Variants in MCM9 observed in about 807,000 individuals in gnomAD.
MCM9 encodes DNA helicase MCM9.
MCM9 carries 55 observed loss-of-function variants against 72.8 expected under a neutral mutation model. The ratio of observed to expected loss-of-function variants is 0.76; its 90% confidence interval spans 0.61 to 0.95. The LOEUF is 0.95. Among genes scored for constraint, MCM9 ranks in the 40% least tolerant of loss-of-function variants. The pLI, the probability that MCM9 is intolerant of heterozygous loss-of-function variation, is 0.00. For missense variants in MCM9, 1,279 were observed against 1,377.0 expected, an observed-to-expected ratio of 0.93 and a Z score of 1.13; for synonymous variants, 480 against 503.4, an observed-to-expected ratio of 0.95 and a Z score of 0.62.
At chr6:118,883,281 G>C (rs764795428) in intron 8 of MCM9, among the ~76,000 whole-genome samples, 1 of 152,042 alleles carries the variant, frequency 6.6e-6, no homozygotes, top group Non-Finnish European at 1.5e-5. Flanking sequence ...TTGAAATTAT[G>C]CAATCCAAAG....
intron 9 of MCM9, among the ~76,000 whole-genome samples, chr6:118,842,919 C>A (rs966503074): frequency 3.9e-5 from 6 of 152,040 alleles, no homozygotes; most frequent in African/African-American, 1.5e-4. Flanking sequence ...TAATTAAATT[C>A]CCAAACTTTA....
At chr6:118,852,306 A>G (rs1776282403) in intron 9 of MCM9, among the ~76,000 whole-genome samples, 1 of 152,226 alleles carries the variant, frequency 6.6e-6, no homozygotes, top group South Asian at 2.1e-4. Context: ...TAAAGGAGAA[A>G]TAATGAAAAC....
rs59630533 is a variant in MCM9 at position 118,814,390 on chromosome 6, C to CAAAAAAAAAA, written c.*424_*433dup. 4 of 80,372 alleles carry CAAAAAAAAAA rather than the reference C, an allele frequency of 5.0e-5. No homozygotes were observed. The highest frequency in any genetic ancestry group is 1.4e-4 in the Admixed American group (1 of 7,336). The allele number at this position is 80,372 out of a possible 1,614,324, so 5.0% of individuals were successfully genotyped here. ...ACTTAGCCCATTCCAGGTGAAAATA[C>CAAAAAAAAAA]AAAAAAAAAAAAAAAAAGTAGAAAA... is the stretch of plus-strand genomic sequence containing the variant. On this transcript the variant is annotated 3_prime_UTR_variant, in exon 14 of 14. Coordinates refer to ENST00000619706, the MANE Select transcript of MCM9 (RefSeq NM_017696.3).
intron 8 of MCM9, among the ~76,000 whole-genome samples, chr6:118,883,543 G>T (rs1182194113): frequency 1.3e-5 from 2 of 152,066 alleles, no homozygotes; most frequent in Admixed American, 6.5e-5. Flanking sequence ...AATCATAGCA[G>T]AAATGCTGAA....
intron 3 of MCM9, among the ~76,000 whole-genome samples, chr6:118,927,143 A>G (rs745953331): frequency 6.6e-5 from 10 of 152,220 alleles, no homozygotes. Flanking sequence ...GTTCTGCTTC[A>G]GATGCAAATT....
At chr6:118,820,382 C>CA (rs1773717707) in intron 13 of MCM9, among the ~76,000 whole-genome samples, 2 of 152,092 alleles carry the variant, frequency 1.3e-5, no homozygotes, top group Non-Finnish European at 2.9e-5. Context: ...ATTATTTACC[C>CA]AGTAGTCATT....
At position 118,853,835 on chromosome 6, in the gene MCM9, G is replaced by A. The variant is rs528054761; in HGVS notation, c.1325+2536C>T. Among the ~76,000 whole-genome samples the A allele has an allele frequency of 5.9e-5, 9 of 152,220 alleles. No homozygotes were observed. In the East Asian group the frequency reaches 1.3e-3, roughly 23 times the overall value. On this transcript the variant is annotated intron_variant, in intron 9 of 13. Transcript: ENST00000619706. The stretch of plus-strand genomic sequence containing the variant: ...TTTTTTTAAATGCAGTGATTCTACA[G>A]ATCGCTTTGGGGAGAACTTGCATCT...
At chr6:118,933,584 A>C (rs1399812996) in intron 1 of MCM9, among the ~76,000 whole-genome samples, 1 of 152,076 alleles carries the variant, frequency 6.6e-6, no homozygotes, top group Admixed American at 6.5e-5. Context: ...CTTAAATTTG[A>C]CTTACTTCAT....
intron 9 of MCM9, among the ~76,000 whole-genome samples, chr6:118,843,655 T>TATAC (rs1491542240): frequency 1.3e-4 from 5 of 38,606 alleles, no homozygotes; most frequent in South Asian, 1.9e-3. Context: ...TATATATATA[T>TATAC]GTGTATATAT....
At chr6:118,924,833 C>G (rs1583688114) in intron 3 of MCM9, among the ~76,000 whole-genome samples, 1 of 152,284 alleles carries the variant, frequency 6.6e-6, no homozygotes, top group East Asian at 1.9e-4. Context: ...CGCTGGGGCC[C>G]AGGAGTTCAA....
At chr6:118,911,412 C>T in intron 8 of MCM9, 1 of 1,252,070 alleles carries the variant, frequency 8.0e-7, no homozygotes, top group Non-Finnish European at 1.0e-6. Flanking sequence ...AAGGTAATCA[C>T]TAGAGAATGA....
chr6:118,865,613 A>C (rs973790789), intron 8 of MCM9, among the ~76,000 whole-genome samples: 4 of 152,156 alleles, frequency 2.6e-5, no homozygotes, highest in Admixed American at 2.6e-4. Context: ...TGCACTGGGG[A>C]GCTAACAGGG....
In MCM9 at chr6:118,815,563, G is replaced by A. The variant is rs3751444; in HGVS notation, c.2693C>T (p.Ser898Phe). 0.01 allele frequency: 15,867 copies of A among 1,550,258 alleles called. 131 individuals carry two copies. Among genetic ancestry groups the A allele is most frequent in the Middle Eastern group, 0.033 (195 of 5,990 alleles). Residue 898 changes from serine (S) to phenylalanine (F), a missense_variant, in exon 14 of 14, where the codon TCC becomes TTC. Transcript: ENST00000619706. ...TGCAGGCTCTTCCACTTGCGCAAGGGATTTCGGTCTCTTTCTTTTGGGTGA... is the reference window on the plus strand; with the variant it reads ...TGCAGGCTCTTCCACTTGCGCAAGGAATTTCGGTCTCTTTCTTTTGGGTGA... ...LDSPKRKRPK[S>F]LAQVEEPAIE...
intron 3 of MCM9, among the ~76,000 whole-genome samples, chr6:118,930,257 C>A (rs1374859324): frequency 6.6e-6 from 1 of 152,088 alleles, no homozygotes; most frequent in Non-Finnish European, 1.5e-5. Flanking sequence ...ACTACAGGCG[C>A]CCGCCACCAT....
At chr6:118,828,437 G>A (rs284920) in intron 10 of MCM9, among the ~76,000 whole-genome samples, 8,297 of 151,818 alleles carry the variant, frequency 0.055, 336 homozygotes, top group East Asian at 0.19. Flanking sequence ...CCAGGCTGGA[G>A]CGCAGTAGCA....
intron 3 of MCM9, among the ~76,000 whole-genome samples, chr6:118,928,607 G>A (rs928819574): frequency 2.0e-5 from 3 of 151,894 alleles, no homozygotes; most frequent in Non-Finnish European, 4.4e-5. Context: ...CAGTACTTTG[G>A]GAGGCTGAAG....
At chr6:118,831,948 C>G (rs1373883764) in intron 9 of MCM9, among the ~76,000 whole-genome samples, 1 of 152,198 alleles carries the variant, frequency 6.6e-6, no homozygotes, top group East Asian at 1.9e-4. Flanking sequence ...CAAGGTTACA[C>G]TGAGAGGAGC....
At chr6:118,859,333 T>C (rs1193529780) in intron 8 of MCM9, among the ~76,000 whole-genome samples, 1 of 151,894 alleles carries the variant, frequency 6.6e-6, no homozygotes, top group African/African-American at 2.4e-5. Flanking sequence ...CAGGAGAAAA[T>C]AGCTGTGAAT....
intron 3 of MCM9, among the ~76,000 whole-genome samples, chr6:118,929,340 T>C (rs1051782635): frequency 2.6e-5 from 4 of 152,230 alleles, no homozygotes; most frequent in African/African-American, 9.6e-5. Context: ...GCATACACCA[T>C]CTGGTAAATA....
Sources: allele counts gnomAD v4.1 joint callset (sites outside exome capture counted in the v4.1 genomes callset), GRCh38; gene constraint gnomAD v4.1.1; transcripts MANE v1.5; gene names NCBI Gene and HGNC (gene_info 2026-07-23, HGNC 2026-07-21).